The following TBK1 variants were observed in gnomAD, a reference collection of about 807,000 sequenced individuals.
The protein encoded by TBK1 is TANK binding kinase 1, also known as serine/threonine-protein kinase TBK1.
A neutral mutation model predicts 99.9 loss-of-function variants in TBK1; 37 were observed. The observed-to-expected ratio is 0.37, with a 90% CI of 0.28 to 0.49. TBK1 has a LOEUF of 0.49. TBK1 is among the 20% of genes least tolerant of loss of function. The probability of loss-of-function intolerance (pLI) is 0.98; values close to 1 mark genes in which losing one functional copy is unlikely to be tolerated. For missense variants in TBK1, 644 were observed against 872.5 expected (o/e 0.74, Z 3.30); for synonymous variants, 258 against 279.8 (o/e 0.92, Z 0.78).
chr12:64,496,470 G>T, intron 16 of TBK1, 64 bp downstream of exon 16: 2 of 784,732 alleles, frequency 2.5e-6, no homozygotes, highest in South Asian at 4.5e-5. Context: ...TTATTAATAT[G>T]ATTCTTCTTA....
At chr12:64,478,973 A>G (rs2040740847) in intron 6 of TBK1, among the ~76,000 whole-genome samples, 1 of 152,236 alleles carries the variant, frequency 6.6e-6, no homozygotes, top group South Asian at 2.1e-4. Flanking sequence ...ATTTTATCTG[A>G]CACCCTTGTG....
intron 6 of TBK1, among the ~76,000 whole-genome samples, chr12:64,476,150 CTTTTTTT>C (rs59104364): frequency 3.9e-5 from 2 of 51,820 alleles, no homozygotes; most frequent in African/African-American, 7.5e-5. Context: ...GCGTAGTCTT[CTTTTTTT>C]TTTTTTTTTT....
chr12:64,460,544 G>A lies in TBK1; in HGVS notation c.228+215G>A, dbSNP rs923481697. On this transcript the variant is annotated intron_variant, in intron 3 of 20. Coordinates refer to ENST00000331710, the MANE Select transcript of TBK1 (RefSeq NM_013254.4). ...AGTAGTGTAAGAAATAAAAGGGGGC[G>A]GCCGGCTGCGGCTGGGTGCAGTGGC... 5.3e-5 allele frequency among the ~76,000 whole-genome samples: 8 copies of A among 152,048 alleles called. No homozygotes were observed. The East Asian group carries it at 7.7e-4, about 15-fold the overall frequency.
intron 6 of TBK1, 84 bp downstream of exon 6, chr12:64,474,474 C>A: frequency 3.8e-6 from 5 of 1,302,794 alleles, no homozygotes; most frequent in South Asian, 1.5e-5. Context: ...GTGGTTTATG[C>A]TAATAAAAAT....
chr12:64,470,115 G>A (rs2040646639), intron 5 of TBK1, among the ~76,000 whole-genome samples: 1 of 152,096 alleles, frequency 6.6e-6, no homozygotes, highest in South Asian at 2.1e-4. Context: ...AGAGGCAAGT[G>A]GAAGGACTTA....
At chr12:64,493,484 G>A (rs541701321) in intron 13 of TBK1, among the ~76,000 whole-genome samples, 38 of 152,060 alleles carry the variant, frequency 2.5e-4, no homozygotes, top group South Asian at 4.1e-4. Flanking sequence ...AAAATTAGCC[G>A]GGCGTAGTGG....
At chr12:64,489,924 C>G in intron 12 of TBK1, 117 bp from the exon 13 acceptor site, 1 of 659,764 alleles carries the variant, frequency 1.5e-6, no homozygotes, top group Non-Finnish European at 2.4e-6. Flanking sequence ...GACTTTGAAT[C>G]AATTTTTTAT....
intron 20 of TBK1, among the ~76,000 whole-genome samples, chr12:64,500,256 G>T (rs1359748165): frequency 2.0e-5 from 3 of 151,222 alleles, no homozygotes; most frequent in Admixed American, 6.6e-5. Flanking sequence ...ATTTTTTTTT[G>T]AATCTAAAAT....
intron 18 of TBK1, 58 bp from the exon 19 acceptor site, chr12:64,497,590 T>A: frequency 2.5e-6 from 3 of 1,210,686 alleles, no homozygotes; most frequent in Non-Finnish European, 3.5e-6. Context: ...TAGTAAGTAC[T>A]TTTGTTCTGT....
At chr12:64,494,046 G>A (rs1341478047) in intron 13 of TBK1, among the ~76,000 whole-genome samples, 1 of 152,118 alleles carries the variant, frequency 6.6e-6, no homozygotes, top group Non-Finnish European at 1.5e-5. Context: ...TCTATGTAAT[G>A]CTGTAAGAAA....
chr12:64,460,069 G>A lies in TBK1; in HGVS notation c.88-120G>A. 3 of 583,478 alleles carry A rather than the reference G, an allele frequency of 5.1e-6. No homozygotes were observed. In the South Asian group the frequency reaches 1.6e-4, roughly 31 times the overall value. 36.1% of individuals were successfully genotyped at this position (583,478 alleles called of 1,614,324 possible). A position where few individuals can be genotyped will look rare whatever the true frequency, so the allele number is the denominator to read the frequency against. The stretch of plus-strand genomic sequence containing the variant: ...AAAAGTCCTCATACAGATTCCCTGT[G>A]CCTAAAAGATGCATGATGTTCTGTA... On this transcript the variant is annotated intron_variant, in intron 2 of 20. Transcript: ENST00000331710.
At position 64,495,800 on chromosome 12, in the gene TBK1, A is replaced by G. The variant is rs754947536; in HGVS notation, c.1720+25A>G. 16 of 1,493,848 alleles carry G rather than the reference A, an allele frequency of 1.1e-5. No homozygotes were observed. In the Admixed American group the frequency reaches 2.3e-4, roughly 22 times the overall value. The allele number at this position is 1,493,848 out of a possible 1,614,324, so 92.5% of individuals were successfully genotyped here. A position where few individuals can be genotyped will look rare whatever the true frequency, so the allele number is the denominator to read the frequency against. On this transcript the variant is annotated intron_variant, in intron 15 of 20. Transcript: ENST00000331710. ...AGTAAGTAAAATTTGCTATTTGTTA[A>G]TTTAATAAATCCCTCTTAGTAATTA...
Position 64,466,962 on chromosome 12 carries a change from T to TA in TBK1, c.421dup (p.Ile141AsnfsTer22), listed in dbSNP as rs1565814492. On this transcript the variant is annotated frameshift_variant, in exon 5 of 21. Transcript: ENST00000331710. LOFTEE classifies it high-confidence loss of function. ...TGCACCGTGATATCAAGCCAGGAAA[T>TA]ATCATGCGTGTTATAGGGGAAGATG... 1.2e-6 allele frequency: 2 copies of TA among 1,612,740 alleles called. No individual in the cohort carries two copies. The highest frequency in any genetic ancestry group is 2.7e-5 in the African/African-American group (2 of 74,852).
chr12:64,456,694 T>C (rs1156556725), intron 2 of TBK1, among the ~76,000 whole-genome samples: 1 of 151,618 alleles, frequency 6.6e-6, no homozygotes, highest in Non-Finnish European at 1.5e-5. Context: ...CAAAAAAAAT[T>C]AGCCAGGCGT....
Position 64,490,024 on chromosome 12 carries a change from T to A in TBK1, c.1443-17T>A, listed in dbSNP as rs766752617. On this transcript the variant is annotated splice_polypyrimidine_tract_variant and intron_variant, in intron 12 of 20. Coordinates refer to ENST00000331710, the MANE Select transcript of TBK1 (RefSeq NM_013254.4). Reference sequence around the variant, plus strand: ...TGATTATACTCATTTAATTTTCTCTTTTGACTTTTCATACAGATATGAAAA... The same window carrying A: ...TGATTATACTCATTTAATTTTCTCTATTGACTTTTCATACAGATATGAAAA... The A allele has an allele frequency of 6.4e-7, 1 of 1,574,384 alleles. No homozygotes were observed.
intron 7 of TBK1, among the ~76,000 whole-genome samples, 164 bp downstream of exon 7, chr12:64,480,286 G>A (rs2040756765): frequency 6.6e-6 from 1 of 152,144 alleles, no homozygotes; most frequent in Non-Finnish European, 1.5e-5. Context: ...TCGTGGTGGT[G>A]AAAAGATTTA....
chr12:64,500,019 A>G (rs2040972439), intron 20 of TBK1, among the ~76,000 whole-genome samples: 2 of 152,116 alleles, frequency 1.3e-5, no homozygotes, highest in Admixed American at 6.6e-5. Flanking sequence ...TAACTTTTAT[A>G]TTTAACTACT....
chr12:64,479,940 C>CTT (rs2040751863), intron 6 of TBK1, 72 bp from the exon 7 acceptor site: 1 of 1,013,104 alleles, frequency 9.9e-7, no homozygotes, highest in Non-Finnish European at 1.5e-6. Flanking sequence ...TGAGGAAATA[C>CTT]TTTTGCAAAG....
intron 8 of TBK1, among the ~76,000 whole-genome samples, chr12:64,483,131 T>G (rs2040784084): frequency 6.6e-6 from 1 of 152,228 alleles, no homozygotes; most frequent in Non-Finnish European, 1.5e-5. Context: ...TTGTACATTT[T>G]AAAATAGCTA....
Sources: allele counts gnomAD v4.1 joint callset (sites outside exome capture counted in the v4.1 genomes callset), GRCh38; gene constraint gnomAD v4.1.1; transcripts MANE v1.5; gene names NCBI Gene and HGNC (gene_info 2026-07-23, HGNC 2026-07-21).